The following DIP2A variants were observed in gnomAD, a reference collection of about 807,000 sequenced individuals.
DIP2A encodes the protein disco-interacting protein 2 homolog A.
A neutral mutation model predicts 177.4 loss-of-function variants in DIP2A; 85 were observed. That is an observed-to-expected ratio of 0.48 (90% CI 0.40 to 0.57). The LOEUF (loss-of-function observed/expected upper bound fraction) is 0.57. Among genes scored for constraint, DIP2A ranks in the 20% least tolerant of loss-of-function variants. The pLI is 0.00. For synonymous variants in DIP2A, 886 were observed against 881.8 expected (o/e 1.00, Z -0.08); for missense variants, 1,791 against 2,100.2 (o/e 0.85, Z 2.88).
intron 1 of DIP2A, among the ~76,000 whole-genome samples, chr21:46,474,031 A>G (rs1415869096): frequency 6.6e-6 from 1 of 152,218 alleles, no homozygotes; most frequent in Non-Finnish European, 1.5e-5. Flanking sequence ...AGTTAGCTTG[A>G]AAAACCCATT....
intron 8 of DIP2A, among the ~76,000 whole-genome samples, chr21:46,516,332 C>T (rs1393777590): frequency 6.6e-6 from 1 of 151,816 alleles, no homozygotes; most frequent in Non-Finnish European, 1.5e-5. Flanking sequence ...TTTTTCTTCT[C>T]TCCTTCTGGG....
intron 1 of DIP2A, among the ~76,000 whole-genome samples, chr21:46,483,240 G>C (rs1359444107): frequency 6.6e-6 from 1 of 151,852 alleles, no homozygotes; most frequent in African/African-American, 2.4e-5. Context: ...AAAGCAACAT[G>C]CATTCTGCAG....
At chr21:46,580,313 C>T in the DIP2A span, among the ~76,000 whole-genome samples, 6 of 152,124 alleles carry the variant, frequency 3.9e-5, no homozygotes, top group South Asian at 1.2e-3. Context: ...TTTTCCTCCA[C>T]TTCTTTATTT....
In DIP2A at chr21:46,556,857, G is replaced by A; in HGVS notation, c.3499-82G>A. ...GTTCGGAGCTATGGTCTAGCCATGT[G>A]AACAGCGGACACTGCCATCCACCCT... On this transcript the variant is annotated intron_variant, in intron 29 of 37. Transcript: ENST00000417564. The surrounding 1 kb of genome is among the most constrained non-coding windows in gnomAD (Gnocchi z 4.5). 7.8e-7 allele frequency: 1 copy of A among 1,285,508 alleles called. No homozygotes were observed. The highest frequency in any genetic ancestry group is 1.1e-6 in the Non-Finnish European group (1 of 944,228). The allele number at this position is 1,285,508 out of a possible 1,614,324, so 79.6% of individuals were successfully genotyped here.
At chr21:46,528,716 TG>T (rs933114665) in intron 8 of DIP2A, among the ~76,000 whole-genome samples, 20 of 151,864 alleles carry the variant, frequency 1.3e-4, no homozygotes, top group African/African-American at 4.8e-4. Flanking sequence ...TTAGCAGAGA[TG>T]GGGTTTTGCC....
chr21:46,478,636 A>G (rs1043973900), intron 1 of DIP2A, among the ~76,000 whole-genome samples: 40 of 152,098 alleles, frequency 2.6e-4, no homozygotes, highest in African/African-American at 9.7e-4. Context: ...TCTTTAATTT[A>G]TCTCAGTAAT....
Position 46,537,382 on chromosome 21 carries a change from T to A in DIP2A, c.1708-64T>A. The A allele has an allele frequency of 5.0e-6, 8 of 1,609,824 alleles. No homozygotes were observed. The highest frequency in any genetic ancestry group is 6.8e-6 in the Non-Finnish European group (8 of 1,176,250). ...AATGTTGTTGGGAGAGTACATCGGT[T>A]TTGTTTTGCTTTTTCTGGTGTGGCT... On this transcript the variant is annotated intron_variant, in intron 14 of 37. Coordinates refer to ENST00000417564, the MANE Select transcript of DIP2A (RefSeq NM_015151.4). This position sits in a 1 kb window ranked among gnomAD's most constrained non-coding sequence, Gnocchi z 4.1.
intron 18 of DIP2A, among the ~76,000 whole-genome samples, chr21:46,543,482 C>A (rs1437941780): frequency 1.3e-5 from 2 of 151,450 alleles, no homozygotes; most frequent in African/African-American, 4.9e-5. Context: ...TGCAGCGCAC[C>A]CCCCTCCCCC....
At chr21:46,529,493 C>T (rs942188519) in intron 9 of DIP2A, among the ~76,000 whole-genome samples, 3 of 151,624 alleles carry the variant, frequency 2.0e-5, no homozygotes, top group African/African-American at 4.9e-5. Flanking sequence ...GCCAGCTACC[C>T]GGGAGGCTGA....
At chr21:46,540,888 G>C (rs2059787760) in intron 17 of DIP2A, among the ~76,000 whole-genome samples, 1 of 152,042 alleles carries the variant, frequency 6.6e-6, no homozygotes, top group Non-Finnish European at 1.5e-5. Flanking sequence ...GGTGGCAGGT[G>C]CCTATAGTCC....
chr21:46,582,947 G>A, the DIP2A span, among the ~76,000 whole-genome samples: 2 of 152,108 alleles, frequency 1.3e-5, no homozygotes, highest in African/African-American at 4.8e-5. Flanking sequence ...CAGAAAACCT[G>A]TGTAAAAACA....
At chr21:46,578,179 G>A in the DIP2A span, among the ~76,000 whole-genome samples, 1 of 152,198 alleles carries the variant, frequency 6.6e-6, no homozygotes, top group Non-Finnish European at 1.5e-5. Flanking sequence ...AGGCGTGGTG[G>A]TGTGTGCCTG....
Position 46,556,109 on chromosome 21 carries a change from T to A in DIP2A, c.3498+18T>A. On this transcript the variant is annotated intron_variant, in intron 29 of 37. Transcript: ENST00000417564. This position sits in a 1 kb window ranked among gnomAD's most constrained non-coding sequence, Gnocchi z 4.5. ...GAGTGAAGGTAGGTCCTCTGAAATCTTGTTTGCTTCAGCCCCTAGAAATCA... is the reference window on the plus strand; with the variant it reads ...GAGTGAAGGTAGGTCCTCTGAAATCATGTTTGCTTCAGCCCCTAGAAATCA... The A allele has an allele frequency of 6.2e-7, 1 of 1,604,106 alleles. No individual in the cohort carries two copies. Among genetic ancestry groups the A allele is most frequent in the Non-Finnish European group, 8.5e-7 (1 of 1,170,938 alleles).
chr21:46,535,148 C>G (rs767476585), intron 13 of DIP2A, among the ~76,000 whole-genome samples: 1 of 152,134 alleles, frequency 6.6e-6, no homozygotes, highest in African/African-American at 2.4e-5. Flanking sequence ...CCTCAGCTGT[C>G]ATGGATATAA....
rs970796146 is a variant in DIP2A at position 46,547,060 on chromosome 21, C to T, written c.2522+18C>T. On this transcript the variant is annotated intron_variant, in intron 21 of 37. Transcript: ENST00000417564. The stretch of plus-strand genomic sequence containing the variant: ...AGAGGCAGGTGATGCGCTGCGGACC[C>T]CCACGCCGGGAGTAGATTCCTTCAT... 6.8e-6 allele frequency: 11 copies of T among 1,609,866 alleles called. No homozygotes were observed. Among genetic ancestry groups the T allele is most frequent in the Middle Eastern group, 1.7e-4 (1 of 6,054 alleles).
chr21:46,479,588 C>T (rs1278598986), intron 1 of DIP2A, among the ~76,000 whole-genome samples: 2 of 152,090 alleles, frequency 1.3e-5, no homozygotes, highest in Admixed American at 6.6e-5. Context: ...TGCAGTGGTG[C>T]GATCATAGCT....
intron 13 of DIP2A, among the ~76,000 whole-genome samples, 170 bp downstream of exon 13, chr21:46,534,857 C>T (rs909282735): frequency 6.6e-6 from 1 of 152,228 alleles, no homozygotes; most frequent in Admixed American, 6.5e-5. Context: ...AGCATGCTTA[C>T]AGGGTCTCTG....
At chr21:46,485,006 A>C (rs2056593890) in intron 2 of DIP2A, among the ~76,000 whole-genome samples, 178 bp downstream of exon 2, 1 of 152,236 alleles carries the variant, frequency 6.6e-6, no homozygotes, top group African/African-American at 2.4e-5. Context: ...GGTCTTGAAA[A>C]ATATGCCTCT....
chr21:46,482,347 C>A (rs531677109), intron 1 of DIP2A, among the ~76,000 whole-genome samples: 1 of 152,318 alleles, frequency 6.6e-6, no homozygotes, highest in Admixed American at 6.5e-5. Context: ...AAAATTCTTA[C>A]CACCTAGTGA....
Sources: gnomAD v4.1 joint callset for allele counts (sites outside exome capture counted in the v4.1 genomes callset) on GRCh38, gnomAD v4.1.1 for gene constraint, Gnocchi (gnomAD v3.1) non-coding constraint, MANE v1.5 for transcripts, NCBI Gene and HGNC (gene_info 2026-07-23, HGNC 2026-07-21) for gene names.